Variants in TMEM117 observed in about 807,000 individuals in gnomAD.
The protein encoded by TMEM117 is transmembrane protein 117.
A neutral mutation model predicts 52.4 loss-of-function variants in TMEM117; 27 were observed. The observed-to-expected ratio is 0.51, with a 90% CI of 0.38 to 0.71. The LOEUF (loss-of-function observed/expected upper bound fraction) is 0.71, where lower values mean the gene tolerates loss of function less well. TMEM117 is among the 30% of genes least tolerant of loss of function. TMEM117 has a pLI of 0.00. For missense variants in TMEM117, 556 were observed against 630.5 expected, an observed-to-expected ratio of 0.88 and a Z score of 1.26; for synonymous variants, 215 against 206.3, an observed-to-expected ratio of 1.04 and a Z score of -0.36.
intron 2 of TMEM117, among the ~76,000 whole-genome samples, chr12:43,881,347 C>T (rs1348829858): frequency 6.6e-6 from 1 of 152,214 alleles, no homozygotes; most frequent in Non-Finnish European, 1.5e-5. Context: ...AGCATAAGAA[C>T]TCTCTGTCAC....
chr12:43,906,320 G>A (rs1022749686), intron 2 of TMEM117, among the ~76,000 whole-genome samples: 2 of 152,048 alleles, frequency 1.3e-5, no homozygotes, highest in African/African-American at 4.8e-5. Context: ...AAAATTAGCT[G>A]GGCATGGTGG....
intron 3 of TMEM117, among the ~76,000 whole-genome samples, chr12:44,017,326 C>CTTTTTTTTTTTTTTTTTTT (rs79007657): frequency 1.0e-5 from 1 of 97,128 alleles, no homozygotes; most frequent in African/African-American, 4.2e-5. Context: ...TCTTTCTTTC[C>CTTTTTTTTTTTTTTTTTTT]TTTTTTTTTT....
chr12:44,101,162 C>T (rs1365086364), intron 3 of TMEM117, among the ~76,000 whole-genome samples: 1 of 148,248 alleles, frequency 6.7e-6, no homozygotes, highest in Non-Finnish European at 1.5e-5. Context: ...GCCCCACCTC[C>T]TAATACCACC....
At chr12:44,240,656 T>C (rs1017533813) in intron 5 of TMEM117, among the ~76,000 whole-genome samples, 1 of 152,094 alleles carries the variant, frequency 6.6e-6, no homozygotes, top group African/African-American at 2.4e-5. Flanking sequence ...TTCTTGTATA[T>C]AAATATGGGA....
intron 2 of TMEM117, among the ~76,000 whole-genome samples, chr12:43,859,696 G>A (rs1385172763): frequency 2.6e-5 from 4 of 152,154 alleles, no homozygotes; most frequent in Non-Finnish European, 5.9e-5. Context: ...GTGGCAATGA[G>A]AATGAAATGG....
At chr12:44,010,140 T>C in intron 3 of TMEM117, 2 of 513,402 alleles carry the variant, frequency 3.9e-6, no homozygotes, top group Non-Finnish European at 7.8e-6. Context: ...TCTCTCATCA[T>C]TGTTTGCTCT....
At position 44,305,811 on chromosome 12, in the gene TMEM117, T is replaced by A. The variant is rs58310221; in HGVS notation, c.768+6072T>A. ...CCCAGCAATCCCATTACTGAGTATA[T>A]ACCCAAAGGAAAAGAAGTTGTTCTA... On this transcript the variant is annotated intron_variant, in intron 6 of 7. Coordinates refer to ENST00000266534, the MANE Select transcript of TMEM117 (RefSeq NM_032256.3). 5.3e-3 allele frequency among the ~76,000 whole-genome samples: 810 copies of A among 152,272 alleles called. 9 individuals are homozygous for A. The highest frequency in any genetic ancestry group is 0.019 in the African/African-American group (779 of 41,546).
At chr12:44,320,271 C>A (rs1027971149) in intron 6 of TMEM117, among the ~76,000 whole-genome samples, 2 of 152,170 alleles carry the variant, frequency 1.3e-5, no homozygotes, top group Non-Finnish European at 1.5e-5. Flanking sequence ...TCTTTTGAAT[C>A]TGCCCCTCCT....
intron 3 of TMEM117, among the ~76,000 whole-genome samples, chr12:44,028,927 A>C (rs1375228956): frequency 6.6e-6 from 1 of 152,146 alleles, no homozygotes; most frequent in East Asian, 1.9e-4. Flanking sequence ...CCCCTGACCC[A>C]AATGCTAACT....
At chr12:44,198,908 T>C (rs1271227901) in intron 4 of TMEM117, among the ~76,000 whole-genome samples, 1 of 152,146 alleles carries the variant, frequency 6.6e-6, no homozygotes, top group African/African-American at 2.4e-5. Context: ...AATGGAGTCA[T>C]TTTTCATACT....
chr12:44,092,061 G>A (rs1316510006), intron 3 of TMEM117, among the ~76,000 whole-genome samples: 3 of 152,168 alleles, frequency 2.0e-5, no homozygotes, highest in African/African-American at 7.2e-5. Context: ...ACTCAGCTCA[G>A]ATGCCTCATC....
chr12:44,044,867 A>G (rs1483615677), intron 3 of TMEM117, among the ~76,000 whole-genome samples: 3 of 152,228 alleles, frequency 2.0e-5, no homozygotes, highest in African/African-American at 7.2e-5. Context: ...ATGTGCAGTT[A>G]TATACTGATT....
the TMEM117 span, chr12:43,799,654 C>A: frequency 1.9e-6 from 1 of 513,652 alleles, no homozygotes; most frequent in Non-Finnish European, 3.3e-6. Flanking sequence ...TTTCTTTAAT[C>A]CTCAATTTTA....
At chr12:43,986,045 A>G (rs1349656395) in intron 3 of TMEM117, among the ~76,000 whole-genome samples, 1 of 152,214 alleles carries the variant, frequency 6.6e-6, no homozygotes, top group African/African-American at 2.4e-5. Flanking sequence ...CAAAGTCTGA[A>G]TGAATGATAT....
chr12:44,091,259 T>C (rs1947667008), intron 3 of TMEM117, among the ~76,000 whole-genome samples: 1 of 152,148 alleles, frequency 6.6e-6, no homozygotes, highest in Admixed American at 6.6e-5. Flanking sequence ...ATGATTCAAT[T>C]ACCTCCCCTG....
intron 4 of TMEM117, among the ~76,000 whole-genome samples, chr12:44,147,149 G>A (rs1441454453): frequency 6.6e-5 from 10 of 152,148 alleles, no homozygotes; most frequent in Non-Finnish European, 1.5e-4. Context: ...TAAGAAATAC[G>A]TAAAGTGCTG....
At chr12:44,370,571 G>A (rs1389766184) in intron 6 of TMEM117, among the ~76,000 whole-genome samples, 1 of 142,654 alleles carries the variant, frequency 7.0e-6, no homozygotes, top group African/African-American at 2.6e-5. Flanking sequence ...AGGCTGGAAT[G>A]CAGTAGTGCA....
At chr12:43,963,030 A>C (rs1945429244) in intron 3 of TMEM117, among the ~76,000 whole-genome samples, 1 of 151,888 alleles carries the variant, frequency 6.6e-6, no homozygotes, top group Non-Finnish European at 1.5e-5. Flanking sequence ...TATATATATC[A>C]CATATAAGAT....
At chr12:44,020,442 A>G (rs1946439155) in intron 3 of TMEM117, among the ~76,000 whole-genome samples, 1 of 152,192 alleles carries the variant, frequency 6.6e-6, no homozygotes, top group South Asian at 2.1e-4. Flanking sequence ...AGTTTGAGCC[A>G]AGATTCCTGA....
Sources: allele counts gnomAD v4.1 joint callset (sites outside exome capture counted in the v4.1 genomes callset), GRCh38; gene constraint gnomAD v4.1.1; transcripts MANE v1.5; gene names NCBI Gene and HGNC (gene_info 2026-07-23, HGNC 2026-07-21).